Variants in PLA2G4C observed in about 807,000 individuals in gnomAD.
PLA2G4C encodes cytosolic phospholipase A2 gamma.
A neutral mutation model predicts 73.8 loss-of-function variants in PLA2G4C; 64 were observed. The observed-to-expected ratio is 0.87, with a 90% confidence interval of 0.71 to 1.07. PLA2G4C has a LOEUF of 1.07. Among genes scored for constraint, PLA2G4C ranks in the 50% least tolerant of loss-of-function variants. The pLI is 0.00. For missense variants in PLA2G4C, 622 were observed against 665.4 expected (o/e 0.93, Z 0.72); for synonymous variants, 254 against 252.1 (o/e 1.01, Z -0.07).
intron 11 of PLA2G4C, among the ~76,000 whole-genome samples, chr19:48,075,900 G>T (rs2030119325): frequency 6.6e-6 from 1 of 152,224 alleles, no homozygotes; most frequent in Admixed American, 6.5e-5. Context: ...GTTGGAGATA[G>T]ATTCTCCTTC....
At chr19:48,063,330 CG>C (rs1452494941) in intron 13 of PLA2G4C, among the ~76,000 whole-genome samples, 3 of 152,148 alleles carry the variant, frequency 2.0e-5, no homozygotes, top group South Asian at 2.1e-4. Flanking sequence ...GCGTGAGCCA[CG>C]GGCCGGCCAA....
intron 13 of PLA2G4C, among the ~76,000 whole-genome samples, chr19:48,066,340 A>T (rs1332885603): frequency 6.6e-6 from 1 of 151,902 alleles, no homozygotes; most frequent in Non-Finnish European, 1.5e-5. Context: ...ACTTCATCCA[A>T]CCCCTTCAGG....
chr19:48,084,038 TTTTG>T (rs2030817948), intron 10 of PLA2G4C, among the ~76,000 whole-genome samples: 2 of 79,596 alleles, frequency 2.5e-5, no homozygotes, highest in Non-Finnish European at 5.2e-5. Context: ...CGAATGCCAA[TTTTG>T]TGTGTGTGTG....
At chr19:48,071,052 A>C (rs889426185) in intron 12 of PLA2G4C, among the ~76,000 whole-genome samples, 4 of 152,256 alleles carry the variant, frequency 2.6e-5, no homozygotes, top group Non-Finnish European at 5.9e-5. Flanking sequence ...AAATACATAG[A>C]TATAGATGCA....
At chr19:48,061,704 G>A in intron 14 of PLA2G4C, 1 of 382,944 alleles carries the variant, frequency 2.6e-6, no homozygotes, top group Non-Finnish European at 4.9e-6. Context: ...GAGCTAGGCT[G>A]TTGCAGTTCA....
chr19:48,095,315 T>C (rs559408292), intron 7 of PLA2G4C, 149 bp downstream of exon 7: 2 of 717,504 alleles, frequency 2.8e-6, no homozygotes, highest in Non-Finnish European at 4.8e-6. Flanking sequence ...GCAGAAGGAA[T>C]ACACCATTCC....
chr19:48,067,294 A>G (rs1258718921), intron 13 of PLA2G4C, among the ~76,000 whole-genome samples: 1 of 151,642 alleles, frequency 6.6e-6, no homozygotes, highest in Non-Finnish European at 1.5e-5. Flanking sequence ...CAGCCTCCTG[A>G]GTAGCTGGGA....
At chr19:48,092,215 A>G (rs1180742988) in intron 7 of PLA2G4C, among the ~76,000 whole-genome samples, 1 of 152,008 alleles carries the variant, frequency 6.6e-6, no homozygotes, top group Non-Finnish European at 1.5e-5. Context: ...ATGCCCGGCT[A>G]ATTTTGTATT....
intron 4 of PLA2G4C, chr19:48,104,208 C>G (rs974290401): frequency 5.8e-6 from 1 of 172,974 alleles, no homozygotes; most frequent in East Asian, 1.8e-4. Context: ...CCTGGCCCAT[C>G]TTTTGTAATA....
chr19:48,100,646 A>G (rs1010584904), intron 4 of PLA2G4C, among the ~76,000 whole-genome samples: 5 of 138,056 alleles, frequency 3.6e-5, no homozygotes, highest in Admixed American at 7.8e-5. Context: ...GTGGTGGCTT[A>G]CGCCTGTGAT....
chr19:48,058,509 T>C (rs974539820), intron 14 of PLA2G4C, among the ~76,000 whole-genome samples: 1 of 152,126 alleles, frequency 6.6e-6, no homozygotes, highest in Admixed American at 6.6e-5. Context: ...TTTACTGTCA[T>C]AAGTACCTTC....
At chr19:48,088,751 C>T (rs1163928830) in intron 8 of PLA2G4C, 39 bp from the exon 9 acceptor site, 20 of 1,443,548 alleles carry the variant, frequency 1.4e-5, no homozygotes, top group African/African-American at 2.8e-5. Flanking sequence ...TTTATCTGTA[C>T]AACAAAGTCC....
At chr19:48,074,507 G>A in intron 12 of PLA2G4C, 1 of 491,284 alleles carries the variant, frequency 2.0e-6, no homozygotes, top group Non-Finnish European at 3.7e-6. Context: ...CCCAGTAATG[G>A]GATTGCTGGG....
At chr19:48,088,744 A>G in intron 8 of PLA2G4C, 32 bp from the exon 9 acceptor site, 1 of 1,541,760 alleles carries the variant, frequency 6.5e-7, no homozygotes, top group South Asian at 1.1e-5. Context: ...AGGAATGTTT[A>G]TCTGTACAAC....
chr19:48,057,889 G>A (rs144590286), intron 14 of PLA2G4C, among the ~76,000 whole-genome samples: 621 of 151,864 alleles, frequency 4.1e-3, no homozygotes, highest in Middle Eastern at 6.8e-3. Context: ...AGGCTGGAGT[G>A]CAGTGGTGCA....
In PLA2G4C at chr19:48,098,200, G is replaced by A. The variant is rs774363492; in HGVS notation, c.507C>T (p.Tyr169=). ...CATTGTCAATGGCTGCAAATATTGG[G>A]TAGGGTAGTGTCCCTTCTTCCACGG... ...KKPVEEGTLP[Y]PIFAAIDNDL... is the part of the protein sequence containing the mutation. The change falls in exon 6 of 17, where the codon TAC becomes TAT. Residue 169 remains tyrosine, a synonymous_variant. Coordinates refer to ENST00000599921, the MANE Select transcript of PLA2G4C (RefSeq NM_003706.3). 7.4e-6 allele frequency: 12 copies of A among 1,613,558 alleles called. No homozygotes were observed. The highest frequency in any genetic ancestry group is 1.3e-5 in the African/African-American group (1 of 74,880).
rs781443003 is a variant in PLA2G4C, at chr19:48,053,118, C to T, written c.1459G>A (p.Asp487Asn). 1.1e-5 allele frequency: 18 copies of T among 1,607,320 alleles called. No individual in the cohort carries two copies. Among genetic ancestry groups the T allele is most frequent in the East Asian group, 4.5e-5 (2 of 44,656 alleles). Residue 487 changes from aspartate to asparagine, a missense_variant, in exon 16 of 17, where the codon GAC becomes AAC. Coordinates refer to ENST00000599921, the MANE Select transcript of PLA2G4C (RefSeq NM_003706.3). ...TAGGTGTCAGCAAGCTTGAATGTGT[C>T]GTATGTGTCACTCCATGCCTCAATA... ...GDIEAWSDTYDTFKLADTYTL... is the reference protein window; with the variant it reads ...GDIEAWSDTYNTFKLADTYTL...
Position 48,048,574 on chromosome 19 carries a change from T to C in PLA2G4C, c.1581-186A>G, listed in dbSNP as rs112805960. Among the ~76,000 whole-genome samples, 74 of 152,344 alleles carry C rather than the reference T, an allele frequency of 4.9e-4. 1 individual carries two copies. The highest frequency in any genetic ancestry group is 1.6e-3 in the African/African-American group (67 of 41,580). The stretch of plus-strand genomic sequence containing the variant: ...ACCTCCTCCTGTGGAGCTCTTGTGA[T>C]CTACTTTTACCACGTAAACGTTTAT... On this transcript the variant is annotated intron_variant, in intron 16 of 16. Coordinates refer to ENST00000599921, the MANE Select transcript of PLA2G4C (RefSeq NM_003706.3).
chr19:48,053,297 T>G, intron 15 of PLA2G4C, 150 bp from the exon 16 acceptor site: 1 of 486,864 alleles, frequency 2.1e-6, no homozygotes, highest in Admixed American at 3.7e-5. Context: ...AAATAAAGTT[T>G]TATTGACACA....
Sources: gnomAD v4.1 joint callset for allele counts (sites outside exome capture counted in the v4.1 genomes callset) on GRCh38, gnomAD v4.1.1 for gene constraint, MANE v1.5 for transcripts, NCBI Gene and HGNC (gene_info 2026-07-23, HGNC 2026-07-21) for gene names.